EPHA5: variants seen among roughly 807,000 people sequenced by gnomAD.
EPHA5 encodes EPH receptor A5.
In EPHA5, 60 loss-of-function variants were observed where a neutral mutation model predicts 105.0. The observed-to-expected ratio is 0.57, with a 90% CI of 0.46 to 0.71. EPHA5 has a LOEUF of 0.71. Among genes scored for constraint, EPHA5 ranks in the 30% least tolerant of loss-of-function variants. The pLI is 0.00. For synonymous variants in EPHA5, 513 were observed against 449.1 expected (o/e 1.14, Z -1.80); for missense variants, 1,218 against 1,274.7 (o/e 0.96, Z 0.68).
chr4:65,595,882 C>T (rs1167645322), intron 3 of EPHA5, among the ~76,000 whole-genome samples: 2 of 152,130 alleles, frequency 1.3e-5, no homozygotes, highest in Admixed American at 1.3e-4. Context: ...CAATATCTCA[C>T]AAGATTTTTA....
chr4:65,574,639 T>C (rs942948877), intron 3 of EPHA5, among the ~76,000 whole-genome samples: 51 of 117,900 alleles, frequency 4.3e-4, no homozygotes, highest in African/African-American at 9.7e-4. Flanking sequence ...CATATATATA[T>C]ACACATATAT....
chr4:65,338,611 T>G (rs909304653), intron 14 of EPHA5, among the ~76,000 whole-genome samples: 14 of 152,238 alleles, frequency 9.2e-5, no homozygotes, highest in African/African-American at 3.4e-4. Context: ...AAATTTATAC[T>G]TAGAAATACA....
intron 3 of EPHA5, among the ~76,000 whole-genome samples, chr4:65,599,120 G>A (rs967138900): frequency 2.6e-5 from 4 of 152,032 alleles, no homozygotes; most frequent in African/African-American, 9.7e-5. Flanking sequence ...TATATTGAAG[G>A]AAGAAGGAAA....
chr4:65,497,194 G>T (rs151317408), intron 3 of EPHA5, among the ~76,000 whole-genome samples: 271 of 152,168 alleles, frequency 1.8e-3, no homozygotes, highest in Admixed American at 3.1e-3. Flanking sequence ...AAGCTCAAAG[G>T]TGAACTTGTA....
chr4:65,465,375 G>T (rs544996987), intron 5 of EPHA5, among the ~76,000 whole-genome samples: 2 of 151,550 alleles, frequency 1.3e-5, no homozygotes, highest in South Asian at 2.1e-4. Flanking sequence ...GCAGTGAGCC[G>T]AGATCGTGCC....
rs146839747 is a variant in EPHA5 at position 65,433,557 on chromosome 4, C to A, written c.1403-12992G>T. On this transcript the variant is annotated intron_variant, in intron 5 of 16. Coordinates refer to ENST00000613740, the MANE Select transcript of EPHA5 (RefSeq NM_001281766.3). ...CAAAGTATCCTATCATATAAATTTC[C>A]TATTGCTGCTACAACAAATTACCAA... Among the ~76,000 whole-genome samples, 15 of 152,300 alleles carry A rather than the reference C, an allele frequency of 9.8e-5. No individual in the cohort carries two copies. In the East Asian group the frequency reaches 2.9e-3, roughly 29 times the overall value.
intron 3 of EPHA5, among the ~76,000 whole-genome samples, chr4:65,583,579 TA>T (rs1741848127): frequency 6.6e-6 from 1 of 151,742 alleles, no homozygotes; most frequent in African/African-American, 2.4e-5. Flanking sequence ...CCCCACAGAA[TA>T]AAAGACTGAT....
chr4:65,524,802 A>T (rs1272291965), intron 3 of EPHA5, among the ~76,000 whole-genome samples: 1 of 151,788 alleles, frequency 6.6e-6, no homozygotes, highest in African/African-American at 2.4e-5. Context: ...TTTCCAAGAA[A>T]AATAACAGAT....
chr4:65,482,354 A>C (rs1730458918), intron 5 of EPHA5, among the ~76,000 whole-genome samples: 1 of 152,110 alleles, frequency 6.6e-6, no homozygotes, highest in Non-Finnish European at 1.5e-5. Context: ...AGAGCTCAGA[A>C]GATACTTTCT....
intron 16 of EPHA5, among the ~76,000 whole-genome samples, chr4:65,330,092 AT>A (rs1485628552): frequency 6.6e-6 from 1 of 151,420 alleles, no homozygotes; most frequent in Non-Finnish European, 1.5e-5. Flanking sequence ...ACCCCCAGGA[AT>A]TTGGAGCAGT....
At chr4:65,375,774 AACAC>A (rs974882786) in intron 8 of EPHA5, among the ~76,000 whole-genome samples, 1 of 123,688 alleles carries the variant, frequency 8.1e-6, no homozygotes, top group Non-Finnish European at 1.7e-5. Context: ...ATAGCACAGA[AACAC>A]ACACACATAC....
intron 5 of EPHA5, among the ~76,000 whole-genome samples, chr4:65,489,232 A>G (rs1250289125): frequency 6.6e-6 from 1 of 151,966 alleles, no homozygotes; most frequent in Non-Finnish European, 1.5e-5. Flanking sequence ...GAATATAACC[A>G]CTTGATTTAC....
intron 2 of EPHA5, among the ~76,000 whole-genome samples, chr4:65,625,325 AT>A (rs1433254715): frequency 9.9e-5 from 15 of 152,152 alleles, no homozygotes; most frequent in Admixed American, 9.2e-4. Context: ...ACCAAAAAAA[AT>A]GAAATAATTA....
At chr4:65,413,064 C>G (rs192714430) in intron 7 of EPHA5, among the ~76,000 whole-genome samples, 2 of 152,054 alleles carry the variant, frequency 1.3e-5, no homozygotes, top group African/African-American at 4.8e-5. Context: ...ATATAGCATA[C>G]CTTTTTTCCT....
intron 3 of EPHA5, chr4:65,573,557 A>G (rs1740456769): frequency 6.3e-7 from 1 of 1,598,362 alleles, no homozygotes; most frequent in South Asian, 1.1e-5. Context: ...GTAACCTCAA[A>G]GCTAAAAAGC....
At chr4:65,520,502 G>T (rs551304765) in intron 3 of EPHA5, among the ~76,000 whole-genome samples, 2 of 152,202 alleles carry the variant, frequency 1.3e-5, no homozygotes, top group South Asian at 4.1e-4. Flanking sequence ...AAAAGCAATG[G>T]CAACAAAAGC....
chr4:65,638,536 G>A (rs1313050754), intron 2 of EPHA5, among the ~76,000 whole-genome samples: 1 of 152,072 alleles, frequency 6.6e-6, no homozygotes, highest in African/African-American at 2.4e-5. Flanking sequence ...TCGGGAGTTC[G>A]AGACCAGCCT....
intron 5 of EPHA5, among the ~76,000 whole-genome samples, chr4:65,441,804 A>G (rs1726042685): frequency 6.6e-6 from 1 of 152,190 alleles, no homozygotes; most frequent in African/African-American, 2.4e-5. Flanking sequence ...ATTAAGAAAT[A>G]TAATCTAAGC....
At chr4:65,374,053 T>G (rs897384647) in intron 8 of EPHA5, among the ~76,000 whole-genome samples, 1 of 151,960 alleles carries the variant, frequency 6.6e-6, no homozygotes, top group Non-Finnish European at 1.5e-5. Flanking sequence ...AGTAGAGACA[T>G]TATTACATTA....
Sources: gnomAD v4.1 joint callset for allele counts (sites outside exome capture counted in the v4.1 genomes callset) on GRCh38, gnomAD v4.1.1 for gene constraint, MANE v1.5 for transcripts, NCBI Gene and HGNC (gene_info 2026-07-23, HGNC 2026-07-21) for gene names.